Variants in ZFP90 observed in about 807,000 individuals in gnomAD.
The protein encoded by ZFP90 is zinc finger protein 90 homolog.
In ZFP90, 38 loss-of-function variants were observed where a neutral mutation model predicts 60.8. The observed-to-expected ratio is 0.62, with a 90% confidence interval of 0.48 to 0.82. The LOEUF is 0.82. Among genes scored for constraint, ZFP90 ranks in the 40% least tolerant of loss-of-function variants. The pLI is 0.00. For synonymous variants in ZFP90, 287 were observed against 264.8 expected, an observed-to-expected ratio of 1.08 and a Z score of -0.82; for missense variants, 711 against 759.1, an observed-to-expected ratio of 0.94 and a Z score of 0.74.
At chr16:68,556,695 A>G (rs939651523) in intron 2 of ZFP90, among the ~76,000 whole-genome samples, 2 of 152,234 alleles carry the variant, frequency 1.3e-5, no homozygotes, top group Non-Finnish European at 2.9e-5. Flanking sequence ...TAGAAACACA[A>G]GTGTCCTTTT....
Position 68,566,890 on chromosome 16 carries a change from A to G in ZFP90, c.*2192A>G. 1 of 985,632 alleles carries G rather than the reference A, an allele frequency of 1.0e-6. No homozygotes were observed. Among genetic ancestry groups the G allele is most frequent in the Non-Finnish European group, 1.2e-6 (1 of 829,968 alleles). 61.1% of individuals were successfully genotyped at this position (985,632 alleles called of 1,614,324 possible). On this transcript the variant is annotated 3_prime_UTR_variant, in exon 5 of 5. Transcript: ENST00000563169. ...ATAAAACCTTAGTTCCAGAAGACCC[A>G]AAGGAGAGTACTGGTTTGTGTTTGG...
chr16:68,537,461 G>T (rs184507637), upstream of ZFP90, among the ~76,000 whole-genome samples: 1 of 152,242 alleles, frequency 6.6e-6, no homozygotes, highest in Admixed American at 6.5e-5. Context: ...TAAGTCACTT[G>T]CCTCAGAGAG....
chr16:68,570,144 G>A (rs2091560349), downstream of ZFP90, among the ~76,000 whole-genome samples: 1 of 151,974 alleles, frequency 6.6e-6, no homozygotes, highest in African/African-American at 2.4e-5. Flanking sequence ...GTAGAGGTGT[G>A]GAATACTCAT....
At chr16:68,562,606 T>C (rs1728791) in intron 4 of ZFP90, 118,262 of 199,658 alleles carry the variant, frequency 0.59, 35,810 homozygotes, top group East Asian at 0.82. Flanking sequence ...AGATTTTCTC[T>C]GCAGCATTTG....
Position 68,564,557 on chromosome 16 carries a change from C to T in ZFP90, c.1770C>T (p.Phe590=). The change falls in exon 5 of 5, where the codon TTC becomes TTT. Residue 590 remains phenylalanine (F), a synonymous_variant. Transcript: ENST00000563169. Reference sequence around the variant, plus strand: ...AATGTAATGAATGTGGGAGAGCCTTCCGAAAAAAAACCAACCTGCATGATC... The same window carrying T: ...AATGTAATGAATGTGGGAGAGCCTTTCGAAAAAAAACCAACCTGCATGATC... ...PYECNECGRA[F]RKKTNLHDHQ... is the part of the protein sequence containing the mutation. 6.2e-7 allele frequency: 1 copy of T among 1,613,362 alleles called. No individual in the cohort carries two copies. The highest frequency in any genetic ancestry group is 8.5e-7 in the Non-Finnish European group (1 of 1,179,774).
chr16:68,572,858 ACTGT>A (rs1045146737), intron 2 of ZFP90, among the ~76,000 whole-genome samples: 3 of 152,228 alleles, frequency 2.0e-5, no homozygotes, highest in African/African-American at 4.8e-5. Flanking sequence ...GGTGCCCCCA[ACTGT>A]CTGGAGATTT....
At chr16:68,539,248 T>C (rs1407687112), upstream of ZFP90, 1 of 153,160 alleles carries the variant, frequency 6.5e-6, no homozygotes, top group Non-Finnish European at 1.5e-5. Context: ...GCGCCCGGCG[T>C]GGACCCGGGG....
At chr16:68,545,606 AG>A (rs1374838511) in intron 2 of ZFP90, among the ~76,000 whole-genome samples, 2 of 147,870 alleles carry the variant, frequency 1.4e-5, no homozygotes, top group African/African-American at 5.0e-5. Flanking sequence ...CGAGGTCAGG[AG>A]ATCGAGACCA....
rs553585583 is a variant in ZFP90, at chr16:68,546,873, T to G, written c.33+7048T>G. On this transcript the variant is annotated intron_variant, in intron 2 of 4. Transcript: ENST00000563169. ...TTCACTTATTATAATGTCTTCAAGATTCATCTAAGTCGTAGCATATATCAG... is the reference window on the plus strand; with the variant it reads ...TTCACTTATTATAATGTCTTCAAGAGTCATCTAAGTCGTAGCATATATCAG... 4.6e-5 allele frequency among the ~76,000 whole-genome samples: 7 copies of G among 152,338 alleles called. No homozygotes were observed. The East Asian group carries it at 1.3e-3, about 29-fold the overall frequency.
At position 68,564,610 on chromosome 16, in the gene ZFP90, C is replaced by T. The variant is rs748288792; in HGVS notation, c.1823C>T (p.Pro608Leu). The change falls in exon 5 of 5, where the codon CCC becomes CTC. Residue 608 changes from proline to leucine, a missense_variant. Coordinates refer to ENST00000563169, the MANE Select transcript of ZFP90 (RefSeq NM_001305203.2). ...CAGAGAATTCATACTGGAGAAAAACCCTATTCTTGTAAGGAATGTGGGAAA... is the reference window on the plus strand; with the variant it reads ...CAGAGAATTCATACTGGAGAAAAACTCTATTCTTGTAAGGAATGTGGGAAA... Reference protein sequence around the residue: ...DHQRIHTGEKPYSCKECGKNF... With the variant: ...DHQRIHTGEKLYSCKECGKNF... 2 of 1,613,926 alleles carry T rather than the reference C, an allele frequency of 1.2e-6. No individual in the cohort carries two copies. The highest frequency in any genetic ancestry group is 1.6e-4 in the Middle Eastern group (1 of 6,082).
Position 68,564,035 on chromosome 16 carries a change from T to C in ZFP90, c.1248T>C (p.His416=). 1 of 1,614,060 alleles carries C rather than the reference T, an allele frequency of 6.2e-7. No individual in the cohort carries two copies. The highest frequency in any genetic ancestry group is 8.5e-7 in the Non-Finnish European group (1 of 1,180,006). ...CCCTTTATAAACATATGAGGATTCA[T>C]AAGAGAGGCAAACCTTACCAAAGCA... The part of the protein sequence containing the change: ...SPSLYKHMRI[H]KRGKPYQSSN... Residue 416 remains histidine, a synonymous_variant, in exon 5 of 5, where the codon CAT becomes CAC. Transcript: ENST00000563169.
In ZFP90 at chr16:68,564,104, A is replaced by G. The variant is rs1177648; in HGVS notation, c.1317A>G (p.Gln439=). The G allele has an allele frequency of 0.6, 961,742 of 1,613,866 alleles. 292,441 individuals are homozygous for G. Among genetic ancestry groups the G allele is most frequent in the East Asian group, 0.75 (33,653 of 44,854 alleles). Residue 439 remains glutamine, a synonymous_variant, in exon 5 of 5, where the codon CAA becomes CAG. Coordinates refer to ENST00000563169, the MANE Select transcript of ZFP90 (RefSeq NM_001305203.2). ...TCAAGCACAGCACATCTCTCACTCA[A>G]GATGAAAGCACTCTTACCGAAGTGA... ...IDFKHSTSLT[Q]DESTLTEVKS...
At chr16:68,569,658 T>C (rs1478622872), downstream of ZFP90, among the ~76,000 whole-genome samples, 2 of 152,130 alleles carry the variant, frequency 1.3e-5, no homozygotes, top group Admixed American at 6.6e-5. Context: ...TCTCAACACT[T>C]TGGGAGGCTG....
intron 2 of ZFP90, among the ~76,000 whole-genome samples, chr16:68,540,559 GA>G (rs1400231768): frequency 6.6e-6 from 1 of 152,100 alleles, no homozygotes; most frequent in African/African-American, 2.4e-5. Flanking sequence ...ACATATTGGT[GA>G]AAATACATCA....
chr16:68,555,910 A>C (rs900478379), intron 2 of ZFP90, among the ~76,000 whole-genome samples: 5 of 152,270 alleles, frequency 3.3e-5, no homozygotes, highest in African/African-American at 1.2e-4. Flanking sequence ...CCTCTGTGAA[A>C]CCTTCCCTCA....
Position 68,565,393 on chromosome 16 carries a change from A to C in ZFP90, c.*695A>C. On this transcript the variant is annotated 3_prime_UTR_variant, in exon 5 of 5. Transcript: ENST00000563169. ...ATACACAAACATTTAATGGGCACCT[A>C]TGGGTTGGACACTTTGAGAATTCTT... 1 of 985,622 alleles carries C rather than the reference A, an allele frequency of 1.0e-6. No homozygotes were observed. Among genetic ancestry groups the C allele is most frequent in the Non-Finnish European group, 1.2e-6 (1 of 829,938 alleles). 61.1% of individuals were successfully genotyped at this position (985,622 alleles called of 1,614,324 possible).
chr16:68,543,264 C>G (rs1041158586), intron 2 of ZFP90, among the ~76,000 whole-genome samples: 1 of 152,098 alleles, frequency 6.6e-6, no homozygotes, highest in Non-Finnish European at 1.5e-5. Context: ...GGGCAGGGAA[C>G]TAATACAACT....
downstream of ZFP90, chr16:68,567,190 A>G (rs1293652733): frequency 3.1e-6 from 3 of 983,562 alleles, no homozygotes; most frequent in East Asian, 3.4e-4. Flanking sequence ...AGAGTGGTGC[A>G]CCAAGAGGGA....
intron 2 of ZFP90, among the ~76,000 whole-genome samples, chr16:68,542,417 C>T (rs1275882830): frequency 6.6e-6 from 1 of 152,004 alleles, no homozygotes; most frequent in African/African-American, 2.4e-5. Flanking sequence ...ATGGTGAAAC[C>T]CTGTTTCCAC....
Sources: allele counts gnomAD v4.1 joint callset (sites outside exome capture counted in the v4.1 genomes callset), GRCh38; gene constraint gnomAD v4.1.1; transcripts MANE v1.5; gene names NCBI Gene and HGNC (gene_info 2026-07-23, HGNC 2026-07-21).